The following MKX variants were observed in gnomAD, a reference collection of about 807,000 sequenced individuals.
The protein encoded by MKX is mohawk homeobox.
MKX carries 13 observed loss-of-function variants against 36.0 expected under a neutral mutation model. That is an observed-to-expected ratio of 0.36 (90% CI 0.24 to 0.57). The LOEUF is 0.57. MKX is among the 20% of genes least tolerant of loss of function. The probability of loss-of-function intolerance (pLI) is 0.79; values close to 1 mark genes in which losing one functional copy is unlikely to be tolerated. For missense variants in MKX, 458 were observed against 456.4 expected (o/e 1.00, Z -0.03); for synonymous variants, 176 against 178.3 (o/e 0.99, Z 0.10).
intron 5 of MKX, among the ~76,000 whole-genome samples, chr10:27,687,886 G>A (rs1836386667): frequency 6.6e-6 from 1 of 152,278 alleles, no homozygotes. Context: ...TCTATTCTTG[G>A]CTCTTGGTAT....
chr10:27,735,340 A>G lies in MKX; in HGVS notation c.383T>C (p.Leu128Pro). The change falls in exon 4 of 7, where the codon CTT (leucine) becomes CCT (proline). Residue 128 changes from leucine (L) to proline (P), a missense_variant. Leu to Pro is a moderately conservative substitution (Grantham distance 98, BLOSUM62 -3). This residue lies in a region of MKX where 297 missense variants were observed against 304.4 expected (regional missense o/e 0.98). Transcript: ENST00000419761. The stretch of plus-strand genomic sequence containing the variant: ...ATCTGGCTGTCGAACGGTATTCTTA[A>G]GCCGACGTCTTGCATTAGCAAACCA... ...SNWFANARRRLKNTVRQPDLS... is the reference protein window; with the variant it reads ...SNWFANARRRPKNTVRQPDLS... The G allele has an allele frequency of 6.2e-7, 1 of 1,613,566 alleles. No homozygotes were observed. The highest frequency in any genetic ancestry group is 8.5e-7 in the Non-Finnish European group (1 of 1,179,844).
chr10:27,716,913 T>C (rs916045624), intron 5 of MKX, among the ~76,000 whole-genome samples: 4 of 152,114 alleles, frequency 2.6e-5, no homozygotes, highest in Non-Finnish European at 4.4e-5. Flanking sequence ...TGACCTTAAA[T>C]AGGAAGATTA....
chr10:27,724,532 T>A (rs964586492), intron 5 of MKX, among the ~76,000 whole-genome samples: 2 of 152,080 alleles, frequency 1.3e-5, no homozygotes, highest in African/African-American at 4.8e-5. Context: ...TCCAAACTGT[T>A]AAAATTAGAG....
chr10:27,695,440 A>C (rs1417662735), intron 5 of MKX, among the ~76,000 whole-genome samples: 1 of 152,078 alleles, frequency 6.6e-6, no homozygotes, highest in African/African-American at 2.4e-5. Context: ...TAACAGAAAA[A>C]AAAAAAAATC....
At chr10:27,696,677 G>A (rs1166151508) in intron 5 of MKX, among the ~76,000 whole-genome samples, 1 of 151,928 alleles carries the variant, frequency 6.6e-6, no homozygotes, top group Non-Finnish European at 1.5e-5. Context: ...GTGAGAACGT[G>A]CATACCAAGG....
chr10:27,730,250 A>G (rs1294770143), intron 5 of MKX, among the ~76,000 whole-genome samples: 5 of 152,206 alleles, frequency 3.3e-5, no homozygotes, highest in African/African-American at 1.2e-4. Context: ...TGACCCTGGC[A>G]TGAAGCCAAA....
intron 5 of MKX, among the ~76,000 whole-genome samples, chr10:27,696,159 C>A (rs1037960926): frequency 6.6e-6 from 1 of 152,116 alleles, no homozygotes; most frequent in East Asian, 1.9e-4. Flanking sequence ...AGATTTGGGA[C>A]CTCCGATATT....
chr10:27,741,637 C>T lies in MKX; in HGVS notation c.189-133G>A. 9.3e-7 allele frequency: 1 copy of T among 1,074,854 alleles called. No individual in the cohort carries two copies. The highest frequency in any genetic ancestry group is 1.8e-5 in the South Asian group (1 of 55,936). 66.6% of individuals were successfully genotyped at this position (1,074,854 alleles called of 1,614,324 possible). On this transcript the variant is annotated intron_variant, in intron 2 of 6. Coordinates refer to ENST00000419761, the MANE Select transcript of MKX (RefSeq NM_173576.3). This position sits in a 1 kb window ranked among gnomAD's most constrained non-coding sequence, Gnocchi z 5.1. The stretch of plus-strand genomic sequence containing the variant: ...CCTTGCGCCCCTGCTTTGCGCGCGC[C>T]CAGAGTGTTTGGGAGAGGCAGGAAG...
intron 5 of MKX, among the ~76,000 whole-genome samples, chr10:27,716,675 C>T (rs772564384): frequency 7.2e-5 from 11 of 152,124 alleles, no homozygotes; most frequent in South Asian, 2.1e-4. Flanking sequence ...GCATTTAAAG[C>T]GGTACATTTT....
At chr10:27,731,801 A>G (rs1230573961) in intron 5 of MKX, among the ~76,000 whole-genome samples, 1 of 152,116 alleles carries the variant, frequency 6.6e-6, no homozygotes, top group African/African-American at 2.4e-5. Flanking sequence ...CAGGCATGCT[A>G]TTCACTCTGG....
chr10:27,715,114 C>CTTGTTCCCTTATTAGTGGGGAGAGCTG lies in MKX; in HGVS notation c.838+19341_838+19342insCAGCTCTCCCCACTAATAAGGGAACAA, dbSNP rs565649128. Reference sequence around the variant, plus strand: ...AGCAGCTCTCCCCACTAATAAGGAGCCTGTAACCCTTGTTCCATGCAATTG... The same window carrying CTTGTTCCCTTATTAGTGGGGAGAGCTG: ...AGCAGCTCTCCCCACTAATAAGGAGCTTGTTCCCTTATTAGTGGGGAGAGCTGCTGTAACCCTTGTTCCATGCAATTG... On this transcript the variant is annotated intron_variant, in intron 5 of 6. Coordinates refer to ENST00000419761, the MANE Select transcript of MKX (RefSeq NM_173576.3). 4.3e-3 allele frequency among the ~76,000 whole-genome samples: 657 copies of CTTGTTCCCTTATTAGTGGGGAGAGCTG among 152,294 alleles called. 4 individuals are homozygous for CTTGTTCCCTTATTAGTGGGGAGAGCTG. Among genetic ancestry groups the CTTGTTCCCTTATTAGTGGGGAGAGCTG allele is most frequent in the Non-Finnish European group, 4.8e-3 (324 of 67,998 alleles).
chr10:27,730,582 C>T (rs112044600), intron 5 of MKX, among the ~76,000 whole-genome samples: 3,436 of 151,510 alleles, frequency 0.023, 140 homozygotes, highest in African/African-American at 0.078. Context: ...CTCAGCCTCC[C>T]GAGTAGCTGG....
chr10:27,695,662 G>A (rs1836541278), intron 5 of MKX, among the ~76,000 whole-genome samples: 1 of 152,102 alleles, frequency 6.6e-6, no homozygotes, highest in South Asian at 2.1e-4. Context: ...ACTTTTAGGA[G>A]CTCATGGAGA....
At chr10:27,703,093 T>C (rs565075390) in intron 5 of MKX, among the ~76,000 whole-genome samples, 1 of 152,234 alleles carries the variant, frequency 6.6e-6, no homozygotes, top group South Asian at 2.1e-4. Context: ...GGAGTATATG[T>C]AGAAAATGGA....
chr10:27,675,468 T>A (rs1836129140), intron 6 of MKX, 53 bp from the exon 7 acceptor site: 1 of 1,613,982 alleles, frequency 6.2e-7, no homozygotes, highest in East Asian at 2.2e-5. Context: ...CAGTTTGCAT[T>A]GAAAATGCCA....
At chr10:27,715,428 G>A (rs1034742072) in intron 5 of MKX, among the ~76,000 whole-genome samples, 1 of 152,188 alleles carries the variant, frequency 6.6e-6, no homozygotes, top group Non-Finnish European at 1.5e-5. Context: ...ATTTTAGACT[G>A]AAAGTTGTTA....
At chr10:27,677,180 G>A (rs1836167904) in intron 5 of MKX, among the ~76,000 whole-genome samples, 1 of 152,060 alleles carries the variant, frequency 6.6e-6, no homozygotes, top group Non-Finnish European at 1.5e-5. Context: ...ATGTTACTGG[G>A]GAGCTACTGC....
intron 6 of MKX, 25 bp downstream of exon 6, chr10:27,675,496 C>A (rs201726531): frequency 1.2e-6 from 2 of 1,613,990 alleles, no homozygotes; most frequent in Non-Finnish European, 8.5e-7. Flanking sequence ...AAAGCAGGAA[C>A]GGCCAATGGG....
At chr10:27,740,820 C>T (rs1324666783) in intron 3 of MKX, among the ~76,000 whole-genome samples, 1 of 152,146 alleles carries the variant, frequency 6.6e-6, no homozygotes, top group African/African-American at 2.4e-5. Flanking sequence ...AACATCATTT[C>T]TTGTCTTTCT....
Sources: allele counts gnomAD v4.1 joint callset (sites outside exome capture counted in the v4.1 genomes callset), GRCh38; gene constraint gnomAD v4.1.1; regional missense constraint gnomAD v4.1.1; non-coding constraint Gnocchi (gnomAD v3.1); transcripts MANE v1.5; gene names NCBI Gene and HGNC (gene_info 2026-07-23, HGNC 2026-07-21).